Variants in GAD1 observed in about 807,000 individuals in gnomAD.
The protein encoded by GAD1 is 67 kDa glutamic acid decarboxylase.
Under a neutral mutation model 75.2 loss-of-function variants are expected in GAD1, and 35 were observed. The ratio of observed to expected loss-of-function variants is 0.47; its 90% CI spans 0.36 to 0.62. The LOEUF is 0.62. Ranked by LOEUF, GAD1 falls within the 20% of genes least tolerant of loss-of-function variation. GAD1 has a pLI of 0.00. For missense variants in GAD1, 490 were observed against 758.5 expected (o/e 0.65, Z 4.16); for synonymous variants, 257 against 271.9 (o/e 0.95, Z 0.54).
chr2:170,849,048 A>G, intron 11 of GAD1: 1 of 584,574 alleles, frequency 1.7e-6, no homozygotes, highest in Non-Finnish European at 3.1e-6. Context: ...TCAGGCTCAG[A>G]CCTGGCCTAG....
At position 170,818,677 on chromosome 2, in the gene GAD1, G is replaced by T. The variant is rs756039216; in HGVS notation, c.82+4G>T. ...ACCACTAACCTGCGCCCCACAAGTA[G>T]GTCCCGCCCCAATTTTCTATCAAAT... On this transcript the variant is annotated splice_donor_region_variant and intron_variant, in intron 2 of 16. Coordinates refer to ENST00000358196, the MANE Select transcript of GAD1 (RefSeq NM_000817.3). This position sits in a 1 kb window ranked among gnomAD's most constrained non-coding sequence, Gnocchi z 5.9. 1 of 1,614,040 alleles carries T rather than the reference G, an allele frequency of 6.2e-7. No individual in the cohort carries two copies. The highest frequency in any genetic ancestry group is 1.1e-5 in the South Asian group (1 of 91,080).
chr2:170,832,983 G>T (rs1411328867), intron 5 of GAD1, among the ~76,000 whole-genome samples: 2 of 152,200 alleles, frequency 1.3e-5, no homozygotes, highest in African/African-American at 4.8e-5. Context: ...CCACACTACA[G>T]TCTGGCTTTC....
At chr2:170,819,545 CTATCTTTAATTT>C (rs1366142125) in intron 2 of GAD1, among the ~76,000 whole-genome samples, 1 of 152,140 alleles carries the variant, frequency 6.6e-6, no homozygotes, top group Non-Finnish European at 1.5e-5. Context: ...TTTCCAGAAT[CTATCTTTAATTT>C]TATTTCCTAC....
intron 3 of GAD1, among the ~76,000 whole-genome samples, chr2:170,828,170 C>CACCCTCCTCCCTCT (rs1702077747): frequency 1.1e-4 from 12 of 108,818 alleles, no homozygotes; most frequent in South Asian, 3.3e-4. Context: ...CTGCTGTCCT[C>CACCCTCCTCCCTCT]GCCCTCCTCT....
At chr2:170,854,080 G>T (rs1292865922) in intron 14 of GAD1, 58 bp downstream of exon 14, 4 of 1,580,588 alleles carry the variant, frequency 2.5e-6, no homozygotes, top group Non-Finnish European at 3.5e-6. Context: ...AGACTGGCTG[G>T]CAAAAGAGGG....
At chr2:170,828,087 AC>A (rs71008725) in intron 3 of GAD1, among the ~76,000 whole-genome samples, 3,917 of 13,770 alleles carry the variant, frequency 0.28, 1,090 homozygotes, top group Non-Finnish European at 0.37. Flanking sequence ...TGCTGTCCTC[AC>A]CCCTCCTCCT....
Position 170,849,366 on chromosome 2 carries a change from C to A in GAD1, c.1184+16C>A. On this transcript the variant is annotated intron_variant, in intron 12 of 16. Transcript: ENST00000358196. ...GCATAGAAAGGTAACGGCCAGAACT[C>A]GCCAGGCCTCCTTCCACCCAGCACA... 6.2e-7 allele frequency: 1 copy of A among 1,613,300 alleles called. No homozygotes were observed.
intron 2 of GAD1, among the ~76,000 whole-genome samples, chr2:170,820,820 T>G (rs181031466): frequency 6.6e-6 from 1 of 152,344 alleles, no homozygotes; most frequent in Non-Finnish European, 1.5e-5. Flanking sequence ...GCCTCGATGT[T>G]TTTTCTTTGT....
chr2:170,821,065 A>G (rs1701863584), intron 2 of GAD1, among the ~76,000 whole-genome samples: 1 of 152,196 alleles, frequency 6.6e-6, no homozygotes, highest in Admixed American at 6.5e-5. Context: ...GTTGTGCCTC[A>G]GGTTTAATGG....
At chr2:170,823,222 G>T (rs1701938111) in intron 3 of GAD1, among the ~76,000 whole-genome samples, 2 of 152,212 alleles carry the variant, frequency 1.3e-5, no homozygotes, top group South Asian at 2.1e-4. Flanking sequence ...GGCAGAGCAG[G>T]CACGGGACAC....
intron 3 of GAD1, among the ~76,000 whole-genome samples, chr2:170,826,756 G>A (rs941423007): frequency 6.6e-6 from 1 of 152,134 alleles, no homozygotes; most frequent in South Asian, 2.1e-4. Flanking sequence ...GGACAACAGA[G>A]TGGAGGTTCA....
intron 6 of GAD1, among the ~76,000 whole-genome samples, chr2:170,837,498 T>C (rs1214037405): frequency 6.6e-6 from 1 of 152,206 alleles, no homozygotes; most frequent in Admixed American, 6.5e-5. Context: ...GGGTATGGGG[T>C]AGAAGTACTA....
Position 170,836,836 on chromosome 2 carries a change from T to C in GAD1, c.591T>C (p.Ile197=), listed in dbSNP as rs758038896. The change falls in exon 6 of 17, where the codon ATT becomes ATC. Residue 197 remains isoleucine (I), a synonymous_variant. Transcript: ENST00000358196. ...FFNQLSTGLD[I]IGLAGEWLTS... ...ACCAGCTCTCCACTGGATTGGATAT[T>C]ATTGGCCTAGCTGGAGAATGGCTGA... 1.9e-6 allele frequency: 3 copies of C among 1,614,090 alleles called. No homozygotes were observed. Among genetic ancestry groups the C allele is most frequent in the South Asian group, 2.2e-5 (2 of 91,070 alleles).
chr2:170,858,352 T>C (rs987706505), intron 15 of GAD1, among the ~76,000 whole-genome samples: 2 of 152,184 alleles, frequency 1.3e-5, no homozygotes, highest in African/African-American at 4.8e-5. Flanking sequence ...TATTAATTGA[T>C]ATATCCAGTC....
intron 11 of GAD1, chr2:170,849,060 T>C (rs1226864173): frequency 3.3e-6 from 2 of 606,898 alleles, no homozygotes; most frequent in Non-Finnish European, 6.0e-6. Context: ...CTGGCCTAGC[T>C]GTATCACTTG....
intron 11 of GAD1, 37 bp downstream of exon 11, chr2:170,847,829 G>C: frequency 7.2e-7 from 1 of 1,386,914 alleles, no homozygotes; most frequent in Non-Finnish European, 1.0e-6. Flanking sequence ...CCATGTGGGG[G>C]GTGGAGGCAC....
At chr2:170,858,710 C>A in intron 15 of GAD1, 94 bp from the exon 16 acceptor site, 2 of 1,095,774 alleles carry the variant, frequency 1.8e-6, no homozygotes, top group Non-Finnish European at 1.4e-6. Context: ...TTCTTTGGTC[C>A]AAGAGACTTC....
At chr2:170,857,657 T>C (rs915288705) in intron 15 of GAD1, among the ~76,000 whole-genome samples, 1 of 152,186 alleles carries the variant, frequency 6.6e-6, no homozygotes, top group African/African-American at 2.4e-5. Flanking sequence ...AGGAAGCTTA[T>C]AGGATGGGTA....
chr2:170,827,914 G>A (rs1411822986), intron 3 of GAD1, among the ~76,000 whole-genome samples: 1 of 152,124 alleles, frequency 6.6e-6, no homozygotes, highest in Non-Finnish European at 1.5e-5. Flanking sequence ...GGTGGTGCAA[G>A]AAAAGCTGCA....
Sources: gnomAD v4.1 joint callset for allele counts (sites outside exome capture counted in the v4.1 genomes callset) on GRCh38, gnomAD v4.1.1 for gene constraint, Gnocchi (gnomAD v3.1) non-coding constraint, MANE v1.5 for transcripts, NCBI Gene and HGNC (gene_info 2026-07-23, HGNC 2026-07-21) for gene names.